SCML4: variants seen among roughly 807,000 people sequenced by gnomAD.
SCML4 encodes sex comb on midleg-like protein 4.
A neutral mutation model predicts 41.1 loss-of-function variants in SCML4; 34 were observed. That is an observed-to-expected ratio of 0.83 (90% CI 0.63 to 1.10). The LOEUF (loss-of-function observed/expected upper bound fraction) is 1.10. Among genes scored for constraint, SCML4 ranks in the 50% least tolerant of loss-of-function variants. The probability of loss-of-function intolerance (pLI) is 0.00; values close to 1 mark genes in which losing one functional copy is unlikely to be tolerated. For missense variants in SCML4, 522 were observed against 534.1 expected, an observed-to-expected ratio of 0.98 and a Z score of 0.22; for synonymous variants, 214 against 220.9, an observed-to-expected ratio of 0.97 and a Z score of 0.28.
intron 5 of SCML4, among the ~76,000 whole-genome samples, chr6:107,728,292 G>C (rs1018422923): frequency 5.3e-5 from 8 of 152,144 alleles, no homozygotes; most frequent in African/African-American, 1.9e-4. Flanking sequence ...GGGAACAAGG[G>C]AACATGCACT....
At chr6:107,802,768 T>C (rs1051176896) in intron 1 of SCML4, among the ~76,000 whole-genome samples, 67 of 145,036 alleles carry the variant, frequency 4.6e-4, no homozygotes, top group African/African-American at 1.8e-3. Flanking sequence ...TCTCCCTCTC[T>C]TTCCACGGTC....
At chr6:107,740,165 A>C (rs1397286148) in intron 5 of SCML4, 1 of 470,784 alleles carries the variant, frequency 2.1e-6, no homozygotes, top group African/African-American at 2.0e-5. Flanking sequence ...TCCTGGAATA[A>C]GATGTTAAAA....
the SCML4 span, among the ~76,000 whole-genome samples, chr6:107,835,669 A>G: frequency 6.9e-6 from 1 of 144,016 alleles, no homozygotes; most frequent in South Asian, 2.4e-4. Flanking sequence ...GTGCACTGAG[A>G]TGGGATGATC....
In SCML4 at chr6:107,704,904, C is replaced by T; in HGVS notation, c.*296G>A. Reference sequence around the variant, plus strand: ...TTGGGCATAAGCATTCAGTTCCCCACTCTCTCGTTATGCAAATAGGACCCA... The same window carrying T: ...TTGGGCATAAGCATTCAGTTCCCCATTCTCTCGTTATGCAAATAGGACCCA... On this transcript the variant is annotated 3_prime_UTR_variant, in exon 8 of 8. Coordinates refer to ENST00000369020, the MANE Select transcript of SCML4 (RefSeq NM_198081.5). 1 of 433,606 alleles carries T rather than the reference C, an allele frequency of 2.3e-6. No homozygotes were observed. The highest frequency in any genetic ancestry group is 3.7e-5 in the Admixed American group (1 of 26,908). The allele number at this position is 433,606 out of a possible 1,614,324, so 26.9% of individuals were successfully genotyped here.
the SCML4 span, among the ~76,000 whole-genome samples, chr6:107,844,383 T>G: frequency 5.9e-5 from 9 of 152,198 alleles, no homozygotes; most frequent in African/African-American, 9.7e-5. Flanking sequence ...GAGCTCACAA[T>G]GTATCAAGAA....
intron 2 of SCML4, among the ~76,000 whole-genome samples, chr6:107,760,239 T>C (rs1779477186): frequency 6.6e-6 from 1 of 152,214 alleles, no homozygotes. Context: ...TTGAAACTAC[T>C]ACAAATAATG....
chr6:107,707,562 TGTTTGTTGCATTCACAGACGGCTGGATGG>T (rs980106631), intron 7 of SCML4, among the ~76,000 whole-genome samples: 3 of 152,194 alleles, frequency 2.0e-5, no homozygotes, highest in Non-Finnish European at 4.4e-5. Flanking sequence ...GTGCTGTGAA[TGTTTGTTGCATTCACAGACGGCTGGATGG>T]GCAGGAAACA....
chr6:107,833,240 T>A, the SCML4 span, among the ~76,000 whole-genome samples: 9 of 152,170 alleles, frequency 5.9e-5, no homozygotes, highest in Non-Finnish European at 5.9e-5. Context: ...TGTTTAAGAT[T>A]GAATAACTTA....
intron 1 of SCML4, among the ~76,000 whole-genome samples, chr6:107,813,399 T>TTTA (rs1784332352): frequency 5.4e-5 from 3 of 55,136 alleles, no homozygotes; most frequent in African/African-American, 2.8e-4. Flanking sequence ...TATATATATA[T>TTTA]ATATATATAT....
intron 2 of SCML4, among the ~76,000 whole-genome samples, chr6:107,770,380 G>A (rs901989553): frequency 3.9e-5 from 6 of 152,034 alleles, no homozygotes; most frequent in Non-Finnish European, 5.9e-5. Flanking sequence ...ATGTCACCAC[G>A]GATGGGTGGG....
the SCML4 span, among the ~76,000 whole-genome samples, chr6:107,840,522 G>A: frequency 0.75 from 114,510 of 152,212 alleles, 43,885 homozygotes; most frequent in East Asian, 0.93. Context: ...CTGAGTGCCA[G>A]GCACTGTTCT....
chr6:107,836,308 C>T, the SCML4 span, among the ~76,000 whole-genome samples: 1 of 152,172 alleles, frequency 6.6e-6, no homozygotes, highest in Non-Finnish European at 1.5e-5. Flanking sequence ...GCTCAGGAGC[C>T]AGCACAGGGA....
Position 107,703,445 on chromosome 6 carries a change from A to G in SCML4, c.*1755T>C, listed in dbSNP as rs1450415235. Among the ~76,000 whole-genome samples the G allele has an allele frequency of 6.6e-6, 1 of 152,128 alleles. No homozygotes were observed. The highest frequency in any genetic ancestry group is 2.4e-5 in the African/African-American group (1 of 41,422). ...CTGCCATGCTCTCAGTCCAGCCGCC[A>G]TTTGTGTGTCTGAAAAGGAGGCTAC... On this transcript the variant is annotated 3_prime_UTR_variant, in exon 8 of 8. Coordinates refer to ENST00000369020, the MANE Select transcript of SCML4 (RefSeq NM_198081.5).
At chr6:107,771,383 C>T (rs777800770) in intron 2 of SCML4, among the ~76,000 whole-genome samples, 4 of 151,980 alleles carry the variant, frequency 2.6e-5, no homozygotes, top group African/African-American at 4.8e-5. Context: ...TCCTGAAGCT[C>T]ATTTTCTAAT....
intron 2 of SCML4, among the ~76,000 whole-genome samples, chr6:107,759,149 A>G (rs1290017051): frequency 6.6e-6 from 1 of 150,904 alleles, no homozygotes; most frequent in Non-Finnish European, 1.5e-5. Context: ...AAAAAAAAAA[A>G]AAAAACCTGA....
intron 1 of SCML4, among the ~76,000 whole-genome samples, chr6:107,802,033 AG>A (rs1158710791): frequency 6.6e-6 from 1 of 152,022 alleles, no homozygotes; most frequent in Non-Finnish European, 1.5e-5. Flanking sequence ...TGTCTCCCAA[AG>A]TGCTGGGATT....
chr6:107,822,488 C>T (rs1785013429), intron 1 of SCML4, among the ~76,000 whole-genome samples: 2 of 122,074 alleles, frequency 1.6e-5, no homozygotes, highest in Non-Finnish European at 3.2e-5. Context: ...CGTTCATTTA[C>T]TCTTTTCTTT....
At chr6:107,747,949 G>A (rs1408102138) in intron 3 of SCML4, among the ~76,000 whole-genome samples, 3 of 152,158 alleles carry the variant, frequency 2.0e-5, no homozygotes, top group Non-Finnish European at 4.4e-5. Context: ...GAACTGGTCA[G>A]CCTGTCTTCA....
At chr6:107,763,468 C>T (rs892161066) in intron 2 of SCML4, among the ~76,000 whole-genome samples, 1 of 151,426 alleles carries the variant, frequency 6.6e-6, no homozygotes, top group Admixed American at 6.6e-5. Flanking sequence ...CTCACTGCAA[C>T]CTCCATCTCC....
Sources: gnomAD v4.1 joint callset for allele counts (sites outside exome capture counted in the v4.1 genomes callset) on GRCh38, gnomAD v4.1.1 for gene constraint, MANE v1.5 for transcripts, NCBI Gene and HGNC (gene_info 2026-07-23, HGNC 2026-07-21) for gene names.